ADCY3: variants seen among roughly 807,000 people sequenced by gnomAD.
ADCY3 encodes adenylate cyclase type 3.
Under a neutral mutation model 119.4 loss-of-function variants are expected in ADCY3, and 70 were observed. The ratio of observed to expected loss-of-function variants is 0.59; its 90% CI spans 0.48 to 0.72. The LOEUF (loss-of-function observed/expected upper bound fraction) is 0.72, where lower values mean the gene tolerates loss of function less well. Ranked by LOEUF, ADCY3 falls within the 30% of genes least tolerant of loss-of-function variation. The probability of loss-of-function intolerance (pLI) is 0.00; values close to 1 mark genes in which losing one functional copy is unlikely to be tolerated. For missense variants in ADCY3, 1,238 were observed against 1,541.6 expected (o/e 0.80, Z 3.30); for synonymous variants, 672 against 621.4 (o/e 1.08, Z -1.21).
intron 2 of ADCY3, among the ~76,000 whole-genome samples, chr2:24,894,311 T>A (rs1034236050): frequency 1.3e-5 from 2 of 152,146 alleles, no homozygotes; most frequent in Non-Finnish European, 2.9e-5. Flanking sequence ...GGTGAGACTC[T>A]ATTTCTACAA....
At chr2:24,879,452 CAAAAAAA>C (rs34029858) in intron 2 of ADCY3, among the ~76,000 whole-genome samples, 4 of 66,084 alleles carry the variant, frequency 6.1e-5, no homozygotes, top group Admixed American at 1.8e-4. Flanking sequence ...GACTCTGTCT[CAAAAAAA>C]AAAAAAAAAA....
chr2:24,887,460 T>G (rs1677166671), intron 2 of ADCY3, among the ~76,000 whole-genome samples: 1 of 151,930 alleles, frequency 6.6e-6, no homozygotes, highest in Non-Finnish European at 1.5e-5. Flanking sequence ...CCTGGGGGGA[T>G]TTTCACAGCC....
chr2:24,893,523 T>C (rs944808146), intron 2 of ADCY3, among the ~76,000 whole-genome samples: 7 of 152,092 alleles, frequency 4.6e-5, no homozygotes, highest in Admixed American at 6.5e-5. Context: ...AGTCTATCTG[T>C]GTCTTTATAT....
chr2:24,838,393 C>T, intron 8 of ADCY3, 52 bp downstream of exon 8: 3 of 1,402,976 alleles, frequency 2.1e-6, no homozygotes, highest in Non-Finnish European at 2.8e-6. Context: ...TTCCAACCCC[C>T]TAATCCAGGG....
chr2:24,820,117 G>A lies in ADCY3; in HGVS notation c.3253-3C>T. On this transcript the variant is annotated splice_region_variant and splice_polypyrimidine_tract_variant and intron_variant, in intron 21 of 21. Transcript: ENST00000679454. ...ATGACTTGGGTTTCTTCTACCACCT[G>A]GAGAGGGAGGGGGAGCAAGAACGTG... The A allele has an allele frequency of 6.5e-7, 1 of 1,538,150 alleles. No individual in the cohort carries two copies. The highest frequency in any genetic ancestry group is 1.3e-5 in the South Asian group (1 of 79,374).
intron 2 of ADCY3, chr2:24,877,939 G>A (rs764127025): frequency 6.4e-6 from 3 of 471,212 alleles, no homozygotes; most frequent in South Asian, 3.1e-5. Flanking sequence ...ATGAGGTTGA[G>A]AAGCCTGCTC....
At chr2:24,827,347 C>T (rs1668769600) in intron 15 of ADCY3, among the ~76,000 whole-genome samples, 199 bp downstream of exon 15, 1 of 152,220 alleles carries the variant, frequency 6.6e-6, no homozygotes, top group Non-Finnish European at 1.5e-5. Context: ...ATGCAGCTGC[C>T]ATCCACCTGG....
chr2:24,821,766 C>G (rs1201146572), intron 19 of ADCY3, 126 bp from the exon 20 acceptor site: 19 of 1,422,290 alleles, frequency 1.3e-5, no homozygotes, highest in Non-Finnish European at 1.8e-5. Context: ...CTTACTTTTC[C>G]TCCCACAAAG....
chr2:24,905,590 G>A (rs1679366430), intron 2 of ADCY3, among the ~76,000 whole-genome samples: 1 of 152,204 alleles, frequency 6.6e-6, no homozygotes, highest in Non-Finnish European at 1.5e-5. Context: ...GCCCCAACCA[G>A]GGAGGCAAGG....
chr2:24,866,472 A>C (rs1674310888), intron 3 of ADCY3, among the ~76,000 whole-genome samples: 1 of 149,880 alleles, frequency 6.7e-6, no homozygotes, highest in Non-Finnish European at 1.5e-5. Context: ...AGCTACTCAA[A>C]AGGCTGGGGT....
chr2:24,865,507 G>C (rs887941734), intron 3 of ADCY3, among the ~76,000 whole-genome samples: 7 of 141,196 alleles, frequency 5.0e-5, no homozygotes, highest in African/African-American at 2.2e-4. Context: ...GTGTGTGTGT[G>C]TGTGTGTGTG....
intron 2 of ADCY3, among the ~76,000 whole-genome samples, chr2:24,895,728 T>G (rs939846588): frequency 2.0e-5 from 3 of 151,838 alleles, no homozygotes; most frequent in Non-Finnish European, 4.4e-5. Flanking sequence ...TGAGCTCATG[T>G]GATCCTCCCG....
intron 13 of ADCY3, among the ~76,000 whole-genome samples, chr2:24,828,705 C>G (rs553483690): frequency 6.6e-6 from 1 of 152,382 alleles, no homozygotes; most frequent in East Asian, 1.9e-4. Context: ...TCAACCCCCC[C>G]TTTTTGTAAC....
At chr2:24,821,740 C>G in intron 19 of ADCY3, 100 bp from the exon 20 acceptor site, 2 of 1,511,922 alleles carry the variant, frequency 1.3e-6, no homozygotes, top group Non-Finnish European at 8.9e-7. Context: ...ATTCCCTACA[C>G]CTAGATGTTC....
chr2:24,824,305 G>T, intron 17 of ADCY3, 73 bp downstream of exon 17: 1 of 1,567,984 alleles, frequency 6.4e-7, no homozygotes, highest in South Asian at 1.2e-5. Context: ...TGGGCCCAGC[G>T]GGGGCTGCCT....
At chr2:24,852,025 T>C (rs999525999) in intron 3 of ADCY3, among the ~76,000 whole-genome samples, 1 of 152,204 alleles carries the variant, frequency 6.6e-6, no homozygotes, top group Non-Finnish European at 1.5e-5. Context: ...AGTGATTGGC[T>C]TTCTGTGCAA....
chr2:24,829,213 C>A (rs1669077590), intron 13 of ADCY3, among the ~76,000 whole-genome samples: 1 of 151,634 alleles, frequency 6.6e-6, no homozygotes, highest in African/African-American at 2.4e-5. Context: ...GACGGGGTTT[C>A]ACCATCTTGG....
At chr2:24,826,494 G>T in intron 15 of ADCY3, 1 of 197,124 alleles carries the variant, frequency 5.1e-6, no homozygotes, top group Non-Finnish European at 1.0e-5. Flanking sequence ...ATGGGACTGG[G>T]GTACAATCTC....
At chr2:24,875,120 G>C (rs1454439484) in intron 2 of ADCY3, among the ~76,000 whole-genome samples, 1 of 151,254 alleles carries the variant, frequency 6.6e-6, no homozygotes, top group African/African-American at 2.5e-5. Flanking sequence ...GCCAGGCAAG[G>C]TTGTCCATCC....
Sources: gnomAD v4.1 joint callset for allele counts (sites outside exome capture counted in the v4.1 genomes callset) on GRCh38, gnomAD v4.1.1 for gene constraint, MANE v1.5 for transcripts, NCBI Gene and HGNC (gene_info 2026-07-23, HGNC 2026-07-21) for gene names.